The following DPH6 variants were observed in gnomAD, a reference collection of about 807,000 sequenced individuals.
DPH6 encodes the protein diphthine--ammonia ligase.
Under a neutral mutation model 38.2 loss-of-function variants are expected in DPH6, and 33 were observed. The observed-to-expected ratio is 0.86, with a 90% CI of 0.65 to 1.15. The LOEUF (loss-of-function observed/expected upper bound fraction) is 1.15. DPH6 is among the 50% of genes most tolerant of loss of function. DPH6 has a pLI of 0.00. For synonymous variants in DPH6, 108 were observed against 103.0 expected (o/e 1.05, Z -0.30); for missense variants, 325 against 320.0 (o/e 1.02, Z -0.12).
chr15:35,447,153 G>A (rs2053865022), intron 5 of DPH6, among the ~76,000 whole-genome samples: 1 of 152,144 alleles, frequency 6.6e-6, no homozygotes, highest in African/African-American at 2.4e-5. Flanking sequence ...ACAGGCCATA[G>A]GTGGAATCTT....
the DPH6 span, among the ~76,000 whole-genome samples, chr15:35,169,406 G>A: frequency 6.6e-6 from 1 of 152,104 alleles, no homozygotes. Flanking sequence ...TCCCAAGGCT[G>A]TAAAAAGATT....
At chr15:35,363,829 T>C (rs78064309) in intron 3 of DPH6, among the ~76,000 whole-genome samples, 3,846 of 152,096 alleles carry the variant, frequency 0.025, 149 homozygotes, top group African/African-American at 0.089. Context: ...ATTTATGACA[T>C]GTTATCTACA....
chr15:35,434,566 G>A (rs1439038093), intron 5 of DPH6, among the ~76,000 whole-genome samples: 3 of 151,960 alleles, frequency 2.0e-5, no homozygotes, highest in East Asian at 1.9e-4. Context: ...CCAATGTTAC[G>A]CCAATTATAA....
intron 3 of DPH6, among the ~76,000 whole-genome samples, chr15:35,360,559 T>C (rs551135616): frequency 2.8e-4 from 42 of 152,100 alleles, no homozygotes; most frequent in African/African-American, 9.4e-4. Flanking sequence ...TATGGATAGA[T>C]GTGTCTTTTG....
At chr15:35,388,326 G>T (rs1424408366) in intron 6 of DPH6, among the ~76,000 whole-genome samples, 1 of 152,144 alleles carries the variant, frequency 6.6e-6, no homozygotes, top group African/African-American at 2.4e-5. Flanking sequence ...GTCTCTGCCA[G>T]GCTTTGGTAT....
intron 5 of DPH6, among the ~76,000 whole-genome samples, chr15:35,413,370 A>G (rs1415656250): frequency 2.0e-5 from 3 of 151,626 alleles, no homozygotes; most frequent in Admixed American, 2.0e-4. Context: ...AGTTTCTAAT[A>G]ATAAGATTAA....
At chr15:35,450,594 T>A in intron 5 of DPH6, 91 bp downstream of exon 5, 1 of 1,014,240 alleles carries the variant, frequency 9.9e-7, no homozygotes, top group Non-Finnish European at 1.5e-6. Context: ...ATATTCTAAA[T>A]CAGTTTTCTT....
chr15:35,348,853 G>T (rs532443159), intron 3 of DPH6, among the ~76,000 whole-genome samples: 1 of 151,784 alleles, frequency 6.6e-6, no homozygotes, highest in East Asian at 1.9e-4. Flanking sequence ...CAGTGTATAC[G>T]TTTTTTTCCT....
intron 3 of DPH6, among the ~76,000 whole-genome samples, chr15:35,296,486 C>T (rs993550957): frequency 7.9e-5 from 12 of 152,152 alleles, no homozygotes; most frequent in African/African-American, 2.9e-4. Context: ...CCTTCTTTAT[C>T]TGGCTCAGAT....
intron 3 of DPH6, among the ~76,000 whole-genome samples, chr15:35,251,631 C>T (rs557484216): frequency 5.4e-4 from 83 of 152,336 alleles, no homozygotes; most frequent in African/African-American, 2.0e-3. Context: ...ATCACAGATA[C>T]GCTAGTCTCT....
At chr15:35,168,675 T>A in the DPH6 span, among the ~76,000 whole-genome samples, 12 of 152,084 alleles carry the variant, frequency 7.9e-5, no homozygotes, top group Non-Finnish European at 5.9e-5. Flanking sequence ...TATGTTAAAA[T>A]TTTTTTAAAC....
intron 3 of DPH6, among the ~76,000 whole-genome samples, chr15:35,308,478 G>A (rs318335): frequency 0.46 from 70,285 of 151,956 alleles, 20,184 homozygotes; most frequent in Non-Finnish European, 0.63. Flanking sequence ...TATGGTGAGG[G>A]GTGGGGAAGA....
chr15:35,505,344 G>GA (rs558169315), intron 3 of DPH6, among the ~76,000 whole-genome samples: 52 of 146,928 alleles, frequency 3.5e-4, no homozygotes, highest in Admixed American at 5.4e-4. Context: ...ACTCTATTGA[G>GA]AAAAAAAAAA....
intron 3 of DPH6, among the ~76,000 whole-genome samples, chr15:35,345,499 TGCGTGGTTG>T (rs2052454617): frequency 2.6e-5 from 4 of 151,942 alleles, no homozygotes; most frequent in African/African-American, 9.7e-5. Flanking sequence ...CACATGATTA[TGCGTGGTTG>T]TCTGTATTAT....
At chr15:35,441,016 A>C (rs2053780562) in intron 5 of DPH6, among the ~76,000 whole-genome samples, 1 of 152,258 alleles carries the variant, frequency 6.6e-6, no homozygotes, top group East Asian at 1.9e-4. Flanking sequence ...GACACTTCTC[A>C]AAAGAAGACA....
At chr15:35,382,014 T>A in intron 6 of DPH6, 98 bp from the exon 7 acceptor site, 1 of 857,768 alleles carries the variant, frequency 1.2e-6, no homozygotes, top group Non-Finnish European at 1.9e-6. Context: ...CAAAAAACTT[T>A]AATTCCAAAA....
chr15:35,320,542 C>T (rs1030577301), intron 3 of DPH6, among the ~76,000 whole-genome samples: 28 of 152,192 alleles, frequency 1.8e-4, no homozygotes, highest in Non-Finnish European at 1.0e-4. Context: ...AAGGAGAGTG[C>T]TGGTGCAATT....
intron 3 of DPH6, among the ~76,000 whole-genome samples, chr15:35,531,462 C>A (rs74465708): frequency 0.014 from 2,081 of 152,142 alleles, 47 homozygotes; most frequent in African/African-American, 0.038. Context: ...CCCCTGTATC[C>A]GATAATTACA....
At chr15:35,478,241 T>C (rs567809513) in intron 3 of DPH6, among the ~76,000 whole-genome samples, 1 of 151,848 alleles carries the variant, frequency 6.6e-6, no homozygotes, top group South Asian at 2.1e-4. Context: ...ATACAACTGC[T>C]TACCACTGTA....
Sources: gnomAD v4.1 joint callset for allele counts (sites outside exome capture counted in the v4.1 genomes callset) on GRCh38, gnomAD v4.1.1 for gene constraint, MANE v1.5 for transcripts, NCBI Gene and HGNC (gene_info 2026-07-23, HGNC 2026-07-21) for gene names.